The following RAPGEF6 variants were observed in gnomAD, a reference collection of about 807,000 sequenced individuals.
RAPGEF6 encodes the protein PDZ domain containing guanine nucleotide exchange factor (GEF) 2.
A neutral mutation model predicts 171.4 loss-of-function variants in RAPGEF6; 56 were observed. The ratio of observed to expected loss-of-function variants is 0.33; its 90% CI spans 0.26 to 0.41. The LOEUF is 0.41. Ranked by LOEUF, RAPGEF6 falls within the 10% of genes least tolerant of loss-of-function variation. The pLI, the probability that RAPGEF6 is intolerant of heterozygous loss-of-function variation, is 1.00. For synonymous variants in RAPGEF6, 692 were observed against 650.1 expected, an observed-to-expected ratio of 1.06 and a Z score of -0.98; for missense variants, 1,674 against 1,921.4, an observed-to-expected ratio of 0.87 and a Z score of 2.41.
intron 1 of RAPGEF6, among the ~76,000 whole-genome samples, chr5:131,625,238 G>C (rs1280732299): frequency 6.6e-6 from 1 of 151,990 alleles, no homozygotes; most frequent in Non-Finnish European, 1.5e-5. Context: ...CTCCAGCCTG[G>C]GAGACAAGAG....
chr5:131,458,205 C>T (rs1377919269), intron 19 of RAPGEF6, among the ~76,000 whole-genome samples: 2 of 152,178 alleles, frequency 1.3e-5, no homozygotes, highest in Non-Finnish European at 2.9e-5. Context: ...CCCCACATGT[C>T]AGGGGAAGGA....
Position 131,433,450 on chromosome 5 carries a change from A to G in RAPGEF6, c.3954T>C (p.Asp1318=), listed in dbSNP as rs1751831037. Residue 1318 remains aspartate (D), a synonymous_variant, in exon 25 of 28, where the codon GAT becomes GAC. Coordinates refer to ENST00000509018, the MANE Select transcript of RAPGEF6 (RefSeq NM_016340.6). ...EKTEHASGIG[D]HSQHGPGWTL... Reference sequence around the variant, plus strand: ...CTTACCCAGGGCCATGTTGACTATGATCTCCTATCCCTGAAGCGTGCTCTG... The same window carrying G: ...CTTACCCAGGGCCATGTTGACTATGGTCTCCTATCCCTGAAGCGTGCTCTG... 1 of 1,612,376 alleles carries G rather than the reference A, an allele frequency of 6.2e-7. No individual in the cohort carries two copies. Among genetic ancestry groups the G allele is most frequent in the East Asian group, 2.2e-5 (1 of 44,890 alleles).
Position 131,517,441 on chromosome 5 carries a change from T to TA in RAPGEF6, c.627+3948dup, listed in dbSNP as rs1241606186. Among the ~76,000 whole-genome samples the TA allele has an allele frequency of 1.1e-4, 17 of 149,012 alleles. No individual in the cohort carries two copies. The East Asian group carries it at 2.0e-3, about 17-fold the overall frequency. On this transcript the variant is annotated intron_variant, in intron 7 of 27. Coordinates refer to ENST00000509018, the MANE Select transcript of RAPGEF6 (RefSeq NM_016340.6). ...TCTAGAAGAATAAAAGCAGAAACAC[T>TA]AAAAAAAAATTGCTGTTAGGATATC...
At chr5:131,501,830 G>A (rs1178893996) in intron 11 of RAPGEF6, among the ~76,000 whole-genome samples, 2 of 152,130 alleles carry the variant, frequency 1.3e-5, no homozygotes, top group Non-Finnish European at 2.9e-5. Context: ...GGTAGTAGTG[G>A]AATTGTAACT....
intron 3 of RAPGEF6, among the ~76,000 whole-genome samples, chr5:131,596,199 C>CAA (rs1391987859): frequency 1.4e-5 from 2 of 140,930 alleles, no homozygotes; most frequent in Non-Finnish European, 3.1e-5. Flanking sequence ...GACATCCATG[C>CAA]AAATGGAAAG....
intron 19 of RAPGEF6, among the ~76,000 whole-genome samples, chr5:131,461,086 A>G (rs1166353406): frequency 1.3e-5 from 2 of 152,218 alleles, no homozygotes; most frequent in Admixed American, 6.5e-5. Context: ...ACTTTTCATA[A>G]TAAGTGGGAA....
intron 4 of RAPGEF6, among the ~76,000 whole-genome samples, chr5:131,588,201 CAA>C (rs1763374383): frequency 6.6e-6 from 1 of 152,008 alleles, no homozygotes; most frequent in African/African-American, 2.4e-5. Flanking sequence ...GCTTAGTGTA[CAA>C]AAGAGTATTG....
At chr5:131,526,519 T>G (rs1329594101) in intron 6 of RAPGEF6, among the ~76,000 whole-genome samples, 1 of 152,184 alleles carries the variant, frequency 6.6e-6, no homozygotes, top group Non-Finnish European at 1.5e-5. Context: ...TTCCTGATAC[T>G]TGGTTGGGAG....
At chr5:131,463,916 C>A (rs539981250) in intron 18 of RAPGEF6, 125 bp downstream of exon 18, 9 of 1,419,870 alleles carry the variant, frequency 6.3e-6, no homozygotes, top group Middle Eastern at 2.4e-4. Context: ...TTTTATCAAG[C>A]GTCTTCTGGA....
intron 7 of RAPGEF6, among the ~76,000 whole-genome samples, chr5:131,513,493 G>A (rs1046920167): frequency 6.6e-6 from 1 of 152,214 alleles, no homozygotes; most frequent in Admixed American, 6.5e-5. Context: ...TGGATAAAAA[G>A]ATAGATGGCT....
intron 1 of RAPGEF6, among the ~76,000 whole-genome samples, chr5:131,618,981 CA>C (rs1407635079): frequency 1.3e-5 from 2 of 150,292 alleles, no homozygotes; most frequent in African/African-American, 4.9e-5. Flanking sequence ...CAGATGAATC[CA>C]GATCATGATA....
chr5:131,511,189 C>A (rs561678494), intron 7 of RAPGEF6: 1 of 152,026 alleles, frequency 6.6e-6, no homozygotes, highest in African/African-American at 2.4e-5. Context: ...TTTTTAAAAA[C>A]CATATATTAA....
chr5:131,485,279 G>A (rs931213060), intron 15 of RAPGEF6, among the ~76,000 whole-genome samples: 2 of 152,184 alleles, frequency 1.3e-5, no homozygotes, highest in African/African-American at 2.4e-5. Context: ...AGAGGAATAA[G>A]TTAAAATTCC....
At chr5:131,512,740 G>A (rs1203157339) in intron 7 of RAPGEF6, among the ~76,000 whole-genome samples, 1 of 152,136 alleles carries the variant, frequency 6.6e-6, no homozygotes, top group Non-Finnish European at 1.5e-5. Flanking sequence ...ATTATGAAGT[G>A]GGGCCTTTGG....
chr5:131,592,128 T>C (rs1054404464), intron 4 of RAPGEF6, among the ~76,000 whole-genome samples: 30 of 152,148 alleles, frequency 2.0e-4, no homozygotes, highest in Non-Finnish European at 2.8e-4. Context: ...AGTGCTGGGA[T>C]TACAGGTGTG....
rs368647562 is a variant in RAPGEF6 at position 131,592,378 on chromosome 5, C to T, written c.281+5G>A. ...TTGCCTGCCATATAGCAAATGTAAACGTACCTGCAAGGAGGCAAGACCATG... is the reference window on the plus strand; with the variant it reads ...TTGCCTGCCATATAGCAAATGTAAATGTACCTGCAAGGAGGCAAGACCATG... On this transcript the variant is annotated splice_donor_5th_base_variant and intron_variant, in intron 4 of 27. Transcript: ENST00000509018. 85 of 1,612,816 alleles carry T rather than the reference C, an allele frequency of 5.3e-5. No individual in the cohort carries two copies. Among genetic ancestry groups the T allele is most frequent in the East Asian group, 1.3e-4 (6 of 44,852 alleles).
At chr5:131,607,567 A>T (rs912141766) in intron 1 of RAPGEF6, among the ~76,000 whole-genome samples, 1 of 152,216 alleles carries the variant, frequency 6.6e-6, no homozygotes, top group Non-Finnish European at 1.5e-5. Context: ...GCTCTCTGTC[A>T]TAACACAGTC....
intron 5 of RAPGEF6, among the ~76,000 whole-genome samples, chr5:131,560,731 G>A (rs971599623): frequency 3.9e-5 from 6 of 152,160 alleles, no homozygotes; most frequent in Non-Finnish European, 5.9e-5. Context: ...AGTACTCTGC[G>A]ATACTCTCGG....
rs1757838741 is a variant in RAPGEF6 at position 131,512,973 on chromosome 5, A to G, written c.628-2482T>C. Among the ~76,000 whole-genome samples, 7 of 152,162 alleles carry G rather than the reference A, an allele frequency of 4.6e-5. No individual in the cohort carries two copies. In the South Asian group the frequency reaches 1.5e-3, roughly 32 times the overall value. ...AATAAATTTCTGGTGTTTATAAGCT[A>G]CCCCCCAGTCTACAGTATTTTGTTA... On this transcript the variant is annotated intron_variant, in intron 7 of 27. Transcript: ENST00000509018.
Sources: gnomAD v4.1 joint callset for allele counts (sites outside exome capture counted in the v4.1 genomes callset) on GRCh38, gnomAD v4.1.1 for gene constraint, MANE v1.5 for transcripts, NCBI Gene and HGNC (gene_info 2026-07-23, HGNC 2026-07-21) for gene names.